The following TRIM23 variants were observed in gnomAD, a reference collection of about 807,000 sequenced individuals.
TRIM23 encodes the protein E3 ubiquitin-protein ligase TRIM23.
TRIM23 carries 27 observed loss-of-function variants against 71.0 expected under a neutral mutation model. That is an observed-to-expected ratio of 0.38 (90% CI 0.28 to 0.52). TRIM23 has a LOEUF of 0.52. Among genes scored for constraint, TRIM23 ranks in the 20% least tolerant of loss-of-function variants. The pLI, the probability that TRIM23 is intolerant of heterozygous loss-of-function variation, is 0.84. For missense variants in TRIM23, 482 were observed against 692.3 expected, an observed-to-expected ratio of 0.70 and a Z score of 3.41; for synonymous variants, 234 against 238.0, an observed-to-expected ratio of 0.98 and a Z score of 0.16.
intron 1 of TRIM23, among the ~76,000 whole-genome samples, chr5:65,622,725 G>C (rs191435804): frequency 6.6e-6 from 1 of 152,140 alleles, no homozygotes; most frequent in African/African-American, 2.4e-5. Flanking sequence ...TCATTGCACA[G>C]TTCAGGAATA....
In TRIM23 at chr5:65,590,867, T is replaced by C; in HGVS notation, c.*902A>G. On this transcript the variant is annotated 3_prime_UTR_variant, in exon 11 of 11. Coordinates refer to ENST00000231524, the MANE Select transcript of TRIM23 (RefSeq NM_001656.4). ...TTCGCTTTCTATTTAGGTCACTAGCTTTTAAATAAAGCCAACCCTGGTTCT... is the reference window on the plus strand; with the variant it reads ...TTCGCTTTCTATTTAGGTCACTAGCCTTTAAATAAAGCCAACCCTGGTTCT... 4.1e-6 allele frequency: 4 copies of C among 985,536 alleles called. No homozygotes were observed. Among genetic ancestry groups the C allele is most frequent in the Non-Finnish European group, 4.8e-6 (4 of 830,030 alleles). 61.0% of individuals were successfully genotyped at this position (985,536 alleles called of 1,614,324 possible).
chr5:65,607,884 A>G (rs1218102512), intron 6 of TRIM23, among the ~76,000 whole-genome samples: 1 of 152,246 alleles, frequency 6.6e-6, no homozygotes, highest in Non-Finnish European at 1.5e-5. Flanking sequence ...TTAGTGACAC[A>G]AAGATGAACA....
chr5:65,613,415 G>C (rs1293177521), intron 3 of TRIM23, among the ~76,000 whole-genome samples: 2 of 152,132 alleles, frequency 1.3e-5, no homozygotes, highest in East Asian at 1.9e-4. Flanking sequence ...TATGTGGTTT[G>C]CAAGTTGATC....
chr5:65,618,861 C>G (rs1002140010), intron 1 of TRIM23, among the ~76,000 whole-genome samples: 11 of 152,102 alleles, frequency 7.2e-5, no homozygotes, highest in Admixed American at 5.9e-4. Flanking sequence ...GAATTAGAAA[C>G]TAGTTTGTCT....
chr5:65,590,684 T>A lies in TRIM23; in HGVS notation c.*1085A>T, dbSNP rs1581171446. 2 of 912,600 alleles carry A rather than the reference T, an allele frequency of 2.2e-6. No homozygotes were observed. Among genetic ancestry groups the A allele is most frequent in the Non-Finnish European group, 2.6e-6 (2 of 779,532 alleles). The allele number at this position is 912,600 out of a possible 1,614,324, so 56.5% of individuals were successfully genotyped here. On this transcript the variant is annotated 3_prime_UTR_variant, in exon 11 of 11. Transcript: ENST00000231524. Reference sequence around the variant, plus strand: ...GAATAATTAATGTAAACTTTTTGAATTTTTTTTTTCTTTAGACATTTTTCC... The same window carrying A: ...GAATAATTAATGTAAACTTTTTGAAATTTTTTTTTCTTTAGACATTTTTCC...
Position 65,591,905 on chromosome 5 carries a change from A to T in TRIM23, c.1589T>A (p.Leu530His). Residue 530 changes from leucine (L) to histidine (H), a missense_variant, in exon 11 of 11, where the codon CTC (leucine) becomes CAC (histidine). Transcript: ENST00000231524. ...GCCACAGCATAATTTATGGAGACTGAGTAGTTCAGTGATTTCTTCTACTGA... is the reference window on the plus strand; with the variant it reads ...GCCACAGCATAATTTATGGAGACTGTGTAGTTCAGTGATTTCTTCTACTGA... ...ALSVEEITEL[L>H]SLHKLCCGRS... 1 of 1,613,922 alleles carries T rather than the reference A, an allele frequency of 6.2e-7. No homozygotes were observed. The highest frequency in any genetic ancestry group is 1.1e-5 in the South Asian group (1 of 91,064).
intron 3 of TRIM23, 98 bp downstream of exon 3, chr5:65,614,000 C>T (rs1754717764): frequency 1.9e-6 from 3 of 1,554,268 alleles, no homozygotes; most frequent in Admixed American, 4.0e-5. Context: ...TAGAAATTTA[C>T]CTGCTGAAAT....
Position 65,622,721 on chromosome 5 carries a change from C to A in TRIM23, c.81+1473G>T, listed in dbSNP as rs61032513. 7.5e-3 allele frequency among the ~76,000 whole-genome samples: 1,145 copies of A among 152,200 alleles called. 10 individuals are homozygous for A. The highest frequency in any genetic ancestry group is 0.026 in the African/African-American group (1,079 of 41,494). The stretch of plus-strand genomic sequence containing the variant: ...TTTGTCAGAAAGGACTATTTCATTG[C>A]ACAGTTCAGGAATATTTTACATGTT... On this transcript the variant is annotated intron_variant, in intron 1 of 10. Coordinates refer to ENST00000231524, the MANE Select transcript of TRIM23 (RefSeq NM_001656.4).
chr5:65,612,029 A>T, intron 3 of TRIM23, 148 bp from the exon 4 acceptor site: 1 of 754,472 alleles, frequency 1.3e-6, no homozygotes, highest in Non-Finnish European at 2.1e-6. Flanking sequence ...AAGGTCATTC[A>T]ATACTCATCT....
chr5:65,604,736 A>C (rs891572664), intron 7 of TRIM23, 175 bp downstream of exon 7: 5 of 483,700 alleles, frequency 1.0e-5, no homozygotes, highest in African/African-American at 2.0e-5. Flanking sequence ...TTCCAATTTT[A>C]GTATATGTGC....
chr5:65,602,547 T>C (rs995142676), intron 7 of TRIM23, among the ~76,000 whole-genome samples: 1 of 152,212 alleles, frequency 6.6e-6, no homozygotes, highest in Non-Finnish European at 1.5e-5. Flanking sequence ...CAAAGTTGCC[T>C]GCACATTTTT....
intron 4 of TRIM23, among the ~76,000 whole-genome samples, 186 bp downstream of exon 4, chr5:65,611,415 GTT>G (rs372586182): frequency 1.4e-5 from 2 of 144,250 alleles, no homozygotes; most frequent in African/African-American, 2.5e-5. Flanking sequence ...CCTCTTTGAA[GTT>G]TTTTTTTTTT....
chr5:65,613,304 A>T (rs1023809506), intron 3 of TRIM23, among the ~76,000 whole-genome samples: 1 of 152,222 alleles, frequency 6.6e-6, no homozygotes, highest in Non-Finnish European at 1.5e-5. Flanking sequence ...AGAGTGTTGC[A>T]GTTTGAAATT....
intron 7 of TRIM23, among the ~76,000 whole-genome samples, chr5:65,600,889 A>G (rs1372236134): frequency 6.6e-6 from 1 of 152,234 alleles, no homozygotes. Context: ...ATTATATGAA[A>G]AGATGGTTAA....
intron 9 of TRIM23, 82 bp from the exon 10 acceptor site, chr5:65,594,727 A>G: frequency 7.9e-7 from 1 of 1,261,834 alleles, no homozygotes; most frequent in Non-Finnish European, 1.1e-6. Context: ...TGATATCATT[A>G]TTATGTTATG....
intron 4 of TRIM23, 33 bp downstream of exon 4, chr5:65,611,569 CA>C: frequency 6.3e-7 from 1 of 1,595,370 alleles, no homozygotes; most frequent in Non-Finnish European, 8.6e-7. Context: ...AAAGTAGCTA[CA>C]GTGATCCAAC....
intron 2 of TRIM23, among the ~76,000 whole-genome samples, chr5:65,616,169 T>C (rs1171976821): frequency 6.6e-6 from 1 of 152,228 alleles, no homozygotes; most frequent in East Asian, 1.9e-4. Context: ...TGAATGGTAT[T>C]AATAACTACT....
chr5:65,620,568 G>A (rs1754904586), intron 1 of TRIM23, among the ~76,000 whole-genome samples: 1 of 115,700 alleles, frequency 8.6e-6, no homozygotes, highest in African/African-American at 3.3e-5. Flanking sequence ...TTGCATAAAG[G>A]TGGGGAAAGA....
intron 3 of TRIM23, chr5:65,613,788 C>G: frequency 7.8e-7 from 1 of 1,282,094 alleles, no homozygotes. Context: ...CTCTTCTCTA[C>G]TGTTGCTTAC....
Sources: allele counts gnomAD v4.1 joint callset (sites outside exome capture counted in the v4.1 genomes callset), GRCh38; gene constraint gnomAD v4.1.1; transcripts MANE v1.5; gene names NCBI Gene and HGNC (gene_info 2026-07-23, HGNC 2026-07-21).